Variants in RFTN1 observed in about 807,000 individuals in gnomAD.
The protein encoded by RFTN1 is raftlin, lipid raft linker 1, also known as raftlin.
Under a neutral mutation model 46.5 loss-of-function variants are expected in RFTN1, and 26 were observed. That is an observed-to-expected ratio of 0.56 (90% CI 0.41 to 0.78). The LOEUF (loss-of-function observed/expected upper bound fraction) is 0.78, where lower values mean the gene tolerates loss of function less well. Among genes scored for constraint, RFTN1 ranks in the 30% least tolerant of loss-of-function variants. RFTN1 has a pLI of 0.00. For synonymous variants in RFTN1, 261 were observed against 284.2 expected, an observed-to-expected ratio of 0.92 and a Z score of 0.82; for missense variants, 693 against 718.7, an observed-to-expected ratio of 0.96 and a Z score of 0.41.
At chr3:16,438,292 G>A (rs572480691) in intron 2 of RFTN1, among the ~76,000 whole-genome samples, 1 of 152,128 alleles carries the variant, frequency 6.6e-6, no homozygotes, top group South Asian at 2.1e-4. Flanking sequence ...ATGTTTAGAA[G>A]ACAGGGTTCT....
chr3:16,494,840 G>A (rs1289521521), intron 1 of RFTN1, among the ~76,000 whole-genome samples: 1 of 152,188 alleles, frequency 6.6e-6, no homozygotes, highest in African/African-American at 2.4e-5. Context: ...GCTGCCATCA[G>A]AACATATTTC....
At position 16,400,410 on chromosome 3, in the gene RFTN1, T is replaced by C. The variant is rs1431551990; in HGVS notation, c.441+8965A>G. ...CTGGGGCAGGCCCCTTGCCATGTTCTACTCGACAGCGCTCACCCATCTGTG... is the reference window on the plus strand; with the variant it reads ...CTGGGGCAGGCCCCTTGCCATGTTCCACTCGACAGCGCTCACCCATCTGTG... On this transcript the variant is annotated intron_variant, in intron 4 of 9. Transcript: ENST00000334133. The surrounding 1 kb of genome is among the most constrained non-coding windows in gnomAD (Gnocchi z 4.5). Among the ~76,000 whole-genome samples the C allele has an allele frequency of 6.6e-6, 1 of 152,234 alleles. No homozygotes were observed. Among genetic ancestry groups the C allele is most frequent in the African/African-American group, 2.4e-5 (1 of 41,464 alleles).
At position 16,466,115 on chromosome 3, in the gene RFTN1, G is replaced by T. The variant is rs1030143843; in HGVS notation, c.145+27610C>A. ...CAGTGCTCAATTTTGGGGTCCAAGC[G>T]CTTGAATGCAGGATACACCATGCAC... On this transcript the variant is annotated intron_variant, in intron 2 of 9. Coordinates refer to ENST00000334133, the MANE Select transcript of RFTN1 (RefSeq NM_015150.2). This position sits in a 1 kb window ranked among gnomAD's most constrained non-coding sequence, Gnocchi z 5.6. Among the ~76,000 whole-genome samples, 1 of 152,154 alleles carries T rather than the reference G, an allele frequency of 6.6e-6. No individual in the cohort carries two copies. Among genetic ancestry groups the T allele is most frequent in the Non-Finnish European group, 1.5e-5 (1 of 68,024 alleles).
intron 2 of RFTN1, among the ~76,000 whole-genome samples, chr3:16,461,883 C>T (rs2076013022): frequency 6.6e-6 from 1 of 152,214 alleles, no homozygotes; most frequent in African/African-American, 2.4e-5. Context: ...CAAATCCTCT[C>T]CATTATCTGG....
At chr3:16,397,781 CCT>C (rs199626819) in intron 4 of RFTN1, among the ~76,000 whole-genome samples, 1 of 108,294 alleles carries the variant, frequency 9.2e-6, no homozygotes, top group African/African-American at 2.8e-5. Context: ...GGTCTCTCTC[CCT>C]CTCTCTCTCT....
rs1384486725 is a variant in RFTN1 at position 16,422,116 on chromosome 3, A to G, written c.332+11735T>C. 6.6e-6 allele frequency among the ~76,000 whole-genome samples: 1 copy of G among 152,250 alleles called. No individual in the cohort carries two copies. The highest frequency in any genetic ancestry group is 1.5e-5 in the Non-Finnish European group (1 of 68,044). On this transcript the variant is annotated intron_variant, in intron 3 of 9. Transcript: ENST00000334133. This position sits in a 1 kb window ranked among gnomAD's most constrained non-coding sequence, Gnocchi z 4.6. ...CCACTTTGGTAACCACTGTTTAGAT[A>G]GTACATAGAATTTCCAGAATTATTA...
intron 4 of RFTN1, among the ~76,000 whole-genome samples, chr3:16,401,069 T>C (rs1379663358): frequency 6.6e-6 from 1 of 152,096 alleles, no homozygotes. Flanking sequence ...CCCAGCACTT[T>C]GAAAAGCCAA....
chr3:16,410,138 C>A lies in RFTN1; in HGVS notation c.333-655G>T, dbSNP rs1199730393. 2.0e-5 allele frequency among the ~76,000 whole-genome samples: 3 copies of A among 151,128 alleles called. No homozygotes were observed. Among genetic ancestry groups the A allele is most frequent in the African/African-American group, 7.3e-5 (3 of 41,018 alleles). ...TATACATATCCACATCATAGTAAGA[C>A]CTCTAAGATGTAGCATCATGTAAAA... On this transcript the variant is annotated intron_variant, in intron 3 of 9. Transcript: ENST00000334133. The surrounding 1 kb of genome is among the most constrained non-coding windows in gnomAD (Gnocchi z 4.6).
chr3:16,375,340 G>T (rs1408949895), intron 5 of RFTN1, among the ~76,000 whole-genome samples: 2 of 152,008 alleles, frequency 1.3e-5, no homozygotes, highest in Admixed American at 1.3e-4. Context: ...CCTTCAGGGA[G>T]GCCAAATACT....
At chr3:16,405,006 G>A (rs2074817684) in intron 4 of RFTN1, among the ~76,000 whole-genome samples, 2 of 152,182 alleles carry the variant, frequency 1.3e-5, no homozygotes, top group Non-Finnish European at 2.9e-5. Context: ...CGTGCACAAT[G>A]ACTGAAAACT....
In RFTN1 at chr3:16,427,592, A is replaced by G. The variant is rs544550311; in HGVS notation, c.332+6259T>C. Among the ~76,000 whole-genome samples, 8 of 152,280 alleles carry G rather than the reference A, an allele frequency of 5.3e-5. No individual in the cohort carries two copies. The highest frequency in any genetic ancestry group is 1.7e-4 in the African/African-American group (7 of 41,562). On this transcript the variant is annotated intron_variant, in intron 3 of 9. Transcript: ENST00000334133. The surrounding 1 kb of genome is among the most constrained non-coding windows in gnomAD (Gnocchi z 5.4). ...GAAACATTTCACAGACTCCAAGCAT[A>G]TGGTCAATTTGGGATGAAGCAGCTC...
rs66657696 is a variant in RFTN1, at chr3:16,410,212, TACACACACACACACACACACAC to T, written c.333-751_333-730del. ...TTGGTACAATACAGCTTACATGTTA[TACACACACACACACACACACAC>T]ACACACACACACACACACACACACA... On this transcript the variant is annotated intron_variant, in intron 3 of 9. Coordinates refer to ENST00000334133, the MANE Select transcript of RFTN1 (RefSeq NM_015150.2). This position sits in a 1 kb window ranked among gnomAD's most constrained non-coding sequence, Gnocchi z 4.6. Among the ~76,000 whole-genome samples the T allele has an allele frequency of 7.5e-4, 106 of 141,268 alleles. No individual in the cohort carries two copies. Among genetic ancestry groups the T allele is most frequent in the East Asian group, 2.8e-3 (13 of 4,724 alleles). 92.7% of individuals were successfully genotyped at this position (141,268 alleles called of 152,430 possible).
intron 4 of RFTN1, among the ~76,000 whole-genome samples, chr3:16,395,471 G>T (rs2074446055): frequency 6.6e-6 from 1 of 151,718 alleles, no homozygotes; most frequent in Admixed American, 6.6e-5. Context: ...AAAGAGACAG[G>T]GTATCACTCT....
chr3:16,416,374 T>C (rs1559336075), intron 3 of RFTN1, among the ~76,000 whole-genome samples: 2 of 152,202 alleles, frequency 1.3e-5, no homozygotes, highest in East Asian at 3.9e-4. Flanking sequence ...CATCACAACA[T>C]GACAACTAAA....
chr3:16,358,923 T>C (rs1458583761), intron 6 of RFTN1, among the ~76,000 whole-genome samples: 1 of 150,244 alleles, frequency 6.7e-6, no homozygotes, highest in Non-Finnish European at 1.5e-5. Flanking sequence ...TCCCAGCTAC[T>C]TGGGAGGCTG....
Position 16,387,537 on chromosome 3 carries a change from C to A in RFTN1, c.442-9435G>T, listed in dbSNP as rs2074220230. Among the ~76,000 whole-genome samples, 1 of 142,446 alleles carries A rather than the reference C, an allele frequency of 7.0e-6. No individual in the cohort carries two copies. Among genetic ancestry groups the A allele is most frequent in the Admixed American group, 7.0e-5 (1 of 14,254 alleles). The allele number at this position is 142,446 out of a possible 152,430, so 93.5% of individuals were successfully genotyped here. ...TGGCACCCTGGAAGACCCAGCTCTA[C>A]TTAGGACCACTTCTCTCTTCTATAT... On this transcript the variant is annotated intron_variant, in intron 4 of 9. Coordinates refer to ENST00000334133, the MANE Select transcript of RFTN1 (RefSeq NM_015150.2). The surrounding 1 kb of genome is among the most constrained non-coding windows in gnomAD (Gnocchi z 5.2).
In RFTN1 at chr3:16,500,098, T is replaced by G. The variant is rs1212514876; in HGVS notation, c.-8-6221A>C. Among the ~76,000 whole-genome samples the G allele has an allele frequency of 6.6e-6, 1 of 152,214 alleles. No homozygotes were observed. Among genetic ancestry groups the G allele is most frequent in the Non-Finnish European group, 1.5e-5 (1 of 68,046 alleles). ...CCCAGCGGTGCTATTCACTGACTTT[T>G]TCTCTGGTTGTTGCTTGTTTTTGTA... On this transcript the variant is annotated intron_variant, in intron 1 of 9. Coordinates refer to ENST00000334133, the MANE Select transcript of RFTN1 (RefSeq NM_015150.2). The surrounding 1 kb of genome is among the most constrained non-coding windows in gnomAD (Gnocchi z 5.9).
At chr3:16,454,342 C>T (rs2124914140) in intron 2 of RFTN1, among the ~76,000 whole-genome samples, 1 of 152,336 alleles carries the variant, frequency 6.6e-6, no homozygotes, top group Admixed American at 6.5e-5. Context: ...AGCTGGTGAG[C>T]ACACCTGCAT....
chr3:16,472,681 T>A lies in RFTN1; in HGVS notation c.145+21044A>T, dbSNP rs529341014. Reference sequence around the variant, plus strand: ...TGGCAAGGCAGAAACGATTCTCAGTTATGTTTCCCACTCCAGGAGAACGTG... The same window carrying A: ...TGGCAAGGCAGAAACGATTCTCAGTAATGTTTCCCACTCCAGGAGAACGTG... On this transcript the variant is annotated intron_variant, in intron 2 of 9. Coordinates refer to ENST00000334133, the MANE Select transcript of RFTN1 (RefSeq NM_015150.2). The A allele has an allele frequency of 2.0e-5, 3 of 152,338 alleles. No homozygotes were observed. The East Asian group carries it at 5.8e-4, about 29-fold the overall frequency. 9.4% of individuals were successfully genotyped at this position (152,338 alleles called of 1,614,324 possible). A position where few individuals can be genotyped will look rare whatever the true frequency, so the allele number is the denominator to read the frequency against.
Sources: allele counts gnomAD v4.1 joint callset (sites outside exome capture counted in the v4.1 genomes callset), GRCh38; gene constraint gnomAD v4.1.1; non-coding constraint Gnocchi (gnomAD v3.1); transcripts MANE v1.5; gene names NCBI Gene and HGNC (gene_info 2026-07-23, HGNC 2026-07-21).